Variants in ENTHD1 observed in about 807,000 individuals in gnomAD.
The protein encoded by ENTHD1 is ENTH domain-containing protein 1.
Under a neutral mutation model 39.1 loss-of-function variants are expected in ENTHD1, and 23 were observed. That is an observed-to-expected ratio of 0.59 (90% confidence interval 0.42 to 0.83). ENTHD1 has a LOEUF of 0.83. Among genes scored for constraint, ENTHD1 ranks in the 40% least tolerant of loss-of-function variants. The probability of loss-of-function intolerance (pLI) is 0.00; values close to 1 mark genes in which losing one functional copy is unlikely to be tolerated. For missense variants in ENTHD1, 624 were observed against 705.4 expected (o/e 0.88, Z 1.31); for synonymous variants, 230 against 258.2 (o/e 0.89, Z 1.05).
chr22:39,772,433 G>T lies in ENTHD1; in HGVS notation c.833-6824C>A, dbSNP rs181654888. On this transcript the variant is annotated intron_variant, in intron 5 of 6. Coordinates refer to ENST00000325157, the MANE Select transcript of ENTHD1 (RefSeq NM_152512.4). ...ATGAGATGGTAAATAGGCCTATATG[G>T]TTGCAATGGTGACACAATATTAACT... Among the ~76,000 whole-genome samples the T allele has an allele frequency of 5.4e-3, 822 of 152,230 alleles. 8 individuals carry two copies. Among genetic ancestry groups the T allele is most frequent in the Middle Eastern group, 0.02 (6 of 294 alleles).
At chr22:39,747,124 C>T (rs2065111563) in intron 6 of ENTHD1, among the ~76,000 whole-genome samples, 1 of 152,092 alleles carries the variant, frequency 6.6e-6, no homozygotes, top group African/African-American at 2.4e-5. Flanking sequence ...GTAGCTGAGA[C>T]TACAGGTGTG....
At chr22:39,845,898 G>T (rs1337080184) in intron 3 of ENTHD1, among the ~76,000 whole-genome samples, 1 of 148,620 alleles carries the variant, frequency 6.7e-6, no homozygotes, top group African/African-American at 2.5e-5. Flanking sequence ...TTTACATGGT[G>T]TTTTTTTTTC....
rs1272058077 is a variant in ENTHD1 at position 39,890,143 on chromosome 22, TAAATAAAA to T, written c.-155-2248_-155-2241del. On this transcript the variant is annotated intron_variant, in intron 1 of 6. Transcript: ENST00000325157. ...ATAAATAAATAAATAAATAAATAAATAAATAAAAAAGAAAATGTATTAAATATCTGTTT... is the reference window on the plus strand; with the variant it reads ...ATAAATAAATAAATAAATAAATAAATAAGAAAATGTATTAAATATCTGTTT... 1.6e-3 allele frequency among the ~76,000 whole-genome samples: 215 copies of T among 138,622 alleles called. 2 individuals carry two copies. Among genetic ancestry groups the T allele is most frequent in the East Asian group, 4.5e-3 (22 of 4,924 alleles). The allele number at this position is 138,622 out of a possible 152,430, so 90.9% of individuals were successfully genotyped here. A position where few individuals can be genotyped will look rare whatever the true frequency, so the allele number is the denominator to read the frequency against.
intron 4 of ENTHD1, among the ~76,000 whole-genome samples, chr22:39,823,487 G>A (rs2065798564): frequency 6.6e-6 from 1 of 152,088 alleles, no homozygotes; most frequent in Non-Finnish European, 1.5e-5. Context: ...TGGGACTACA[G>A]GTACGCATCA....
intron 4 of ENTHD1, 32 bp downstream of exon 4, chr22:39,835,808 A>C (rs1304769305): frequency 6.7e-7 from 1 of 1,490,490 alleles, no homozygotes; most frequent in Non-Finnish European, 9.3e-7. Flanking sequence ...GCAGTGATTT[A>C]TTACAGCAGC....
chr22:39,795,614 A>G (rs993259690), intron 5 of ENTHD1, among the ~76,000 whole-genome samples: 5 of 149,782 alleles, frequency 3.3e-5, no homozygotes, highest in Non-Finnish European at 7.4e-5. Context: ...TTTTTTTAAG[A>G]GACAAGATCT....
chr22:39,838,937 A>AT (rs749544564), intron 3 of ENTHD1, among the ~76,000 whole-genome samples: 64 of 151,342 alleles, frequency 4.2e-4, no homozygotes, highest in South Asian at 8.3e-4. Context: ...GACTTCATGT[A>AT]TTTTTTTTTA....
chr22:39,745,281 C>T (rs547547767), intron 6 of ENTHD1, among the ~76,000 whole-genome samples: 5 of 152,242 alleles, frequency 3.3e-5, no homozygotes, highest in Admixed American at 2.0e-4. Flanking sequence ...AAACTCTTTG[C>T]AACGAACTCT....
chr22:39,761,999 C>T (rs1431046170), intron 6 of ENTHD1, among the ~76,000 whole-genome samples: 1 of 152,110 alleles, frequency 6.6e-6, no homozygotes. Flanking sequence ...AAATTTTATA[C>T]TGGACATTTG....
chr22:39,848,979 T>A (rs2066013695), intron 3 of ENTHD1, among the ~76,000 whole-genome samples: 2 of 152,184 alleles, frequency 1.3e-5, no homozygotes, highest in African/African-American at 4.8e-5. Context: ...TCTCCACTAT[T>A]CAAAAATGCC....
chr22:39,800,443 T>C (rs1360763894), intron 5 of ENTHD1, among the ~76,000 whole-genome samples: 1 of 152,236 alleles, frequency 6.6e-6, no homozygotes, highest in African/African-American at 2.4e-5. Flanking sequence ...CAGGATGAGA[T>C]TAATCTGCAA....
chr22:39,860,291 T>C (rs1380606452), intron 3 of ENTHD1, among the ~76,000 whole-genome samples: 1 of 152,182 alleles, frequency 6.6e-6, no homozygotes, highest in African/African-American at 2.4e-5. Context: ...AAAGGTAACA[T>C]CGAAGAAGCA....
rs1319806064 is a variant in ENTHD1 at position 39,753,945 on chromosome 22, C to T, written c.1220-9662G>A. Among the ~76,000 whole-genome samples the T allele has an allele frequency of 6.6e-5, 10 of 152,348 alleles. No homozygotes were observed. The South Asian group carries it at 1.2e-3, about 19-fold the overall frequency. On this transcript the variant is annotated intron_variant, in intron 6 of 6. Transcript: ENST00000325157. ...CTCTTATTTTCTCCCACTCTATCAA[C>T]GCCTGCCTGGCTTTGCTTCCTTTCT...
chr22:39,800,194 G>A (rs1387184357), intron 5 of ENTHD1, among the ~76,000 whole-genome samples: 1 of 152,250 alleles, frequency 6.6e-6, no homozygotes, highest in Non-Finnish European at 1.5e-5. Context: ...GCCTCTCCAA[G>A]CTCCCAGCCA....
intron 6 of ENTHD1, among the ~76,000 whole-genome samples, chr22:39,752,523 C>T (rs2065155315): frequency 6.6e-6 from 1 of 152,176 alleles, no homozygotes; most frequent in Non-Finnish European, 1.5e-5. Flanking sequence ...CTAAATCATA[C>T]ATTTTAAAAG....
At chr22:39,794,527 G>A (rs1226255502) in intron 5 of ENTHD1, among the ~76,000 whole-genome samples, 1 of 151,846 alleles carries the variant, frequency 6.6e-6, no homozygotes, top group Non-Finnish European at 1.5e-5. Context: ...CCTTGGCCGG[G>A]CGCAGTGGCT....
rs539739253 is a variant in ENTHD1, at chr22:39,850,043, A to G, written c.592+11722T>C. 1.2e-4 allele frequency among the ~76,000 whole-genome samples: 18 copies of G among 152,306 alleles called. No individual in the cohort carries two copies. In the South Asian group the frequency reaches 3.7e-3, roughly 32 times the overall value. ...ACTTCAAATTTAATGGTATTTTGGT[A>G]AGAAAACGTGTCCTCTATGAAACAG... On this transcript the variant is annotated intron_variant, in intron 3 of 6. Coordinates refer to ENST00000325157, the MANE Select transcript of ENTHD1 (RefSeq NM_152512.4).
chr22:39,770,392 G>A (rs146581658), intron 5 of ENTHD1, among the ~76,000 whole-genome samples: 8 of 152,162 alleles, frequency 5.3e-5, no homozygotes, highest in African/African-American at 1.4e-4. Context: ...GAAAGAATGC[G>A]TTCTTGCCAG....
At chr22:39,796,832 CTG>C (rs1216344847) in intron 5 of ENTHD1, among the ~76,000 whole-genome samples, 2 of 152,154 alleles carry the variant, frequency 1.3e-5, no homozygotes, top group Non-Finnish European at 2.9e-5. Context: ...GATGAGAAGA[CTG>C]TGTTCTGCAG....
Sources: allele counts gnomAD v4.1 joint callset (sites outside exome capture counted in the v4.1 genomes callset), GRCh38; gene constraint gnomAD v4.1.1; transcripts MANE v1.5; gene names NCBI Gene and HGNC (gene_info 2026-07-23, HGNC 2026-07-21).